Variants in MLLT10 observed in about 807,000 individuals in gnomAD.
MLLT10 encodes MLLT10 histone lysine methyltransferase DOT1L cofactor, also known as protein AF-10.
A neutral mutation model predicts 129.1 loss-of-function variants in MLLT10; 30 were observed. That is an observed-to-expected ratio of 0.23 (90% confidence interval 0.17 to 0.32). MLLT10 has a LOEUF of 0.32. Among genes scored for constraint, MLLT10 ranks in the 10% least tolerant of loss-of-function variants. The pLI is 1.00. For missense variants in MLLT10, 1,119 were observed against 1,268.3 expected (o/e 0.88, Z 1.79); for synonymous variants, 490 against 446.4 (o/e 1.10, Z -1.23).
intron 14 of MLLT10, among the ~76,000 whole-genome samples, chr10:21,723,591 T>G (rs1019575557): frequency 5.3e-4 from 80 of 152,302 alleles, no homozygotes; most frequent in African/African-American, 1.9e-3. Context: ...TAAACTAAAA[T>G]GAGAATGCTA....
At chr10:21,688,995 T>G (rs1268340075) in intron 13 of MLLT10, among the ~76,000 whole-genome samples, 1 of 152,130 alleles carries the variant, frequency 6.6e-6, no homozygotes, top group Non-Finnish European at 1.5e-5. Context: ...CAGAGTGAAA[T>G]CCACTACTGT....
chr10:21,573,258 G>C (rs1160267530), intron 3 of MLLT10, among the ~76,000 whole-genome samples: 2 of 152,192 alleles, frequency 1.3e-5, no homozygotes, highest in Non-Finnish European at 2.9e-5. Context: ...TAAGTCAGCT[G>C]TAGGGGTTTT....
At chr10:21,549,204 A>C (rs1378601020) in intron 3 of MLLT10, among the ~76,000 whole-genome samples, 3 of 150,694 alleles carry the variant, frequency 2.0e-5, no homozygotes, top group African/African-American at 4.9e-5. Context: ...GCTCACTGCA[A>C]CCTGCACCTC....
chr10:21,691,795 G>C lies in MLLT10; in HGVS notation c.1699+9538G>C, dbSNP rs78981551. Among the ~76,000 whole-genome samples, 1,287 of 152,076 alleles carry C rather than the reference G, an allele frequency of 8.5e-3. 21 individuals are homozygous for C. The highest frequency in any genetic ancestry group is 0.03 in the African/African-American group (1,229 of 41,502). On this transcript the variant is annotated intron_variant, in intron 13 of 22. Transcript: ENST00000307729. Reference sequence around the variant, plus strand: ...GTAATAACGCAATGGTTACAGCCAAGGAAAAGAATAATAAATGGGTAAATC... The same window carrying C: ...GTAATAACGCAATGGTTACAGCCAACGAAAAGAATAATAAATGGGTAAATC...
intron 13 of MLLT10, 74 bp from the exon 14 acceptor site, chr10:21,713,698 A>C (rs2056309912): frequency 7.6e-7 from 1 of 1,321,372 alleles, no homozygotes; most frequent in Non-Finnish European, 1.0e-6. Flanking sequence ...AGGAAATGCA[A>C]GTTTACTGAT....
intron 13 of MLLT10, among the ~76,000 whole-genome samples, chr10:21,710,302 A>AC (rs1471730324): frequency 6.6e-6 from 1 of 152,188 alleles, no homozygotes; most frequent in Admixed American, 6.5e-5. Context: ...TAAATGAGTG[A>AC]CATGGTAAGG....
At chr10:21,616,286 T>C (rs1373459368) in intron 7 of MLLT10, among the ~76,000 whole-genome samples, 3 of 152,176 alleles carry the variant, frequency 2.0e-5, no homozygotes, top group Non-Finnish European at 4.4e-5. Context: ...GCAAATAGAA[T>C]TTTCTTATTG....
intron 18 of MLLT10, 67 bp from the exon 19 acceptor site, chr10:21,733,437 C>CT (rs1480188554): frequency 1.9e-6 from 2 of 1,030,552 alleles, no homozygotes; most frequent in Non-Finnish European, 1.3e-6. Context: ...TTTAATAAGC[C>CT]TTTAATCTTA....
chr10:21,621,221 C>G lies in MLLT10; in HGVS notation c.699+4014C>G, dbSNP rs573076339. 1.2e-3 allele frequency among the ~76,000 whole-genome samples: 170 copies of G among 141,784 alleles called. 1 individual carries two copies. The highest frequency in any genetic ancestry group is 4.0e-3 in the African/African-American group (150 of 37,832). 93.0% of individuals were successfully genotyped at this position (141,784 alleles called of 152,430 possible). On this transcript the variant is annotated intron_variant, in intron 8 of 22. Transcript: ENST00000307729. ...GTGTTAGCCAGGATGGTCTCGATCTCCTGACCTCGTGATCCGCCCCCCGCT... is the reference window on the plus strand; with the variant it reads ...GTGTTAGCCAGGATGGTCTCGATCTGCTGACCTCGTGATCCGCCCCCCGCT...
Position 21,673,671 on chromosome 10 carries a change from T to C in MLLT10, c.1373T>C (p.Ile458Thr), listed in dbSNP as rs1564624656. 6.2e-7 allele frequency: 1 copy of C among 1,614,020 alleles called. No homozygotes were observed. Reference protein sequence around the residue: ...AGYKRAQTSGIEEETVKEKKR... With the variant: ...AGYKRAQTSGTEEETVKEKKR... ...TATAAGCGGGCTCAAACTTCTGGCA[T>C]AGAAGAAGAAACTGTAAAGGAAAAG... The change falls in exon 11 of 23, where the codon ATA becomes ACA. Residue 458 changes from isoleucine to threonine, a missense_variant. Physicochemically the swap from Ile to Thr is moderately conservative, Grantham distance 89. This residue lies in a region of MLLT10 where 1,004 missense variants were observed against 1,008.7 expected (regional missense o/e 1.00). Transcript: ENST00000307729.
intron 3 of MLLT10, among the ~76,000 whole-genome samples, chr10:21,560,003 C>A (rs1409616259): frequency 6.6e-6 from 1 of 151,762 alleles, no homozygotes. Context: ...ATGGTAATTC[C>A]GTTTGGCTTT....
At chr10:21,561,539 G>A (rs531757032) in intron 3 of MLLT10, among the ~76,000 whole-genome samples, 35 of 152,096 alleles carry the variant, frequency 2.3e-4, no homozygotes, top group East Asian at 7.8e-4. Context: ...GATTACAGGC[G>A]TGAGCCACTG....
At chr10:21,563,888 C>T (rs994061808) in intron 3 of MLLT10, among the ~76,000 whole-genome samples, 1 of 151,734 alleles carries the variant, frequency 6.6e-6, no homozygotes, top group Non-Finnish European at 1.5e-5. Context: ...TCTAGGCTCA[C>T]TGCGGGCTCC....
At chr10:21,570,442 C>G (rs2040080098) in intron 3 of MLLT10, among the ~76,000 whole-genome samples, 1 of 152,140 alleles carries the variant, frequency 6.6e-6, no homozygotes, top group Non-Finnish European at 1.5e-5. Flanking sequence ...CTTATAATTT[C>G]CATCAAATAT....
chr10:21,659,702 G>A (rs2131344073), intron 9 of MLLT10, among the ~76,000 whole-genome samples: 1 of 152,044 alleles, frequency 6.6e-6, no homozygotes, highest in East Asian at 1.9e-4. Flanking sequence ...GTAGAGATAA[G>A]GTTTAACCAT....
intron 10 of MLLT10, among the ~76,000 whole-genome samples, chr10:21,671,437 C>T (rs1025927911): frequency 1.3e-5 from 2 of 152,156 alleles, no homozygotes; most frequent in Admixed American, 1.3e-4. Context: ...GGGCAGAACT[C>T]TTGAGGCCAG....
chr10:21,623,180 T>C (rs2046069962), intron 8 of MLLT10, among the ~76,000 whole-genome samples: 1 of 152,168 alleles, frequency 6.6e-6, no homozygotes, highest in Admixed American at 6.5e-5. Flanking sequence ...TCCCATTATG[T>C]AGGCACAATT....
intron 14 of MLLT10, 35 bp downstream of exon 14, chr10:21,713,985 G>A (rs2056333665): frequency 6.4e-7 from 1 of 1,550,582 alleles, no homozygotes; most frequent in Non-Finnish European, 8.7e-7. Context: ...CAGGTAATAG[G>A]TGGGTTTCTC....
chr10:21,739,376 C>G (rs1205635042), intron 21 of MLLT10, among the ~76,000 whole-genome samples: 2 of 152,192 alleles, frequency 1.3e-5, no homozygotes, highest in African/African-American at 4.8e-5. Flanking sequence ...AAATCTTCAT[C>G]CAGATGTTAA....
Sources: gnomAD v4.1 joint callset for allele counts (sites outside exome capture counted in the v4.1 genomes callset) on GRCh38, gnomAD v4.1.1 for gene constraint, gnomAD v4.1.1 regional missense constraint, MANE v1.5 for transcripts, NCBI Gene and HGNC (gene_info 2026-07-23, HGNC 2026-07-21) for gene names.